DNM3: variants seen among roughly 807,000 people sequenced by gnomAD.
The protein encoded by DNM3 is dynamin 3.
Under a neutral mutation model 101.6 loss-of-function variants are expected in DNM3, and 47 were observed. That is an observed-to-expected ratio of 0.46 (90% CI 0.37 to 0.59). The LOEUF (loss-of-function observed/expected upper bound fraction) is 0.59, where lower values mean the gene tolerates loss of function less well. Ranked by LOEUF, DNM3 falls within the 20% of genes least tolerant of loss-of-function variation. DNM3 has a pLI of 0.00. For missense variants in DNM3, 849 were observed against 1,085.7 expected (o/e 0.78, Z 3.06); for synonymous variants, 385 against 387.9 (o/e 0.99, Z 0.09).
Position 172,177,933 on chromosome 1 carries a change from C to G in DNM3, c.1659+46645C>G, listed in dbSNP as rs558150833. ...GAATATACAGTCATACATTGCTTAA[C>G]GATATAATTATATTCTAAAAGTTGT... On this transcript the variant is annotated intron_variant, in intron 14 of 20. Transcript: ENST00000627582. Among the ~76,000 whole-genome samples, 3 of 151,888 alleles carry G rather than the reference C, an allele frequency of 2.0e-5. 1 individual carries two copies. In the South Asian group the frequency reaches 6.2e-4, roughly 32 times the overall value.
intron 16 of DNM3, among the ~76,000 whole-genome samples, chr1:172,311,558 C>T (rs1024888710): frequency 5.3e-5 from 8 of 152,040 alleles, no homozygotes; most frequent in African/African-American, 1.2e-4. Context: ...TTCGTCCCAC[C>T]GCACTCCAGC....
chr1:172,408,097 C>A lies in DNM3; in HGVS notation c.*256C>A. The A allele has an allele frequency of 7.9e-7, 1 of 1,259,998 alleles. No individual in the cohort carries two copies. Among genetic ancestry groups the A allele is most frequent in the Non-Finnish European group, 1.0e-6 (1 of 997,558 alleles). 78.1% of individuals were successfully genotyped at this position (1,259,998 alleles called of 1,614,324 possible). On this transcript the variant is annotated 3_prime_UTR_variant, in exon 21 of 21. Transcript: ENST00000627582. The stretch of plus-strand genomic sequence containing the variant: ...GGTAGGTTTGTATAGCAGCCCTATA[C>A]TTTGGGGATCATTTGCCTACCATGG...
chr1:172,095,277 G>A (rs1180591253), intron 13 of DNM3, among the ~76,000 whole-genome samples: 1 of 152,098 alleles, frequency 6.6e-6, no homozygotes, highest in Non-Finnish European at 1.5e-5. Flanking sequence ...TGAAACAAAG[G>A]AATAGTTACA....
intron 4 of DNM3, among the ~76,000 whole-genome samples, chr1:172,028,820 A>C (rs892965626): frequency 6.6e-6 from 1 of 152,206 alleles, no homozygotes; most frequent in Admixed American, 6.5e-5. Flanking sequence ...AGAAATGGAA[A>C]AATTATTAGA....
At chr1:171,956,455 C>T (rs577737765) in intron 2 of DNM3, among the ~76,000 whole-genome samples, 3 of 152,326 alleles carry the variant, frequency 2.0e-5, no homozygotes, top group African/African-American at 7.2e-5. Context: ...CCAGGTCACA[C>T]TGATACAAGT....
In DNM3 at chr1:172,167,027, G is replaced by A. The variant is rs192769148; in HGVS notation, c.1659+35739G>A. Among the ~76,000 whole-genome samples the A allele has an allele frequency of 1.2e-3, 182 of 151,530 alleles. 1 individual carries two copies. Among genetic ancestry groups the A allele is most frequent in the Admixed American group, 0.011 (165 of 15,182 alleles). On this transcript the variant is annotated intron_variant, in intron 14 of 20. Coordinates refer to ENST00000627582, the MANE Select transcript of DNM3 (RefSeq NM_015569.5). The stretch of plus-strand genomic sequence containing the variant: ...GTTGGTGTGCTGCACCCATTAACTC[G>A]TCATTTACATTAGGTATATCTCCTA...
chr1:172,209,642 C>T (rs576993467), intron 14 of DNM3, among the ~76,000 whole-genome samples: 234 of 152,074 alleles, frequency 1.5e-3, no homozygotes, highest in African/African-American at 5.1e-3. Flanking sequence ...CTGTGTCTGA[C>T]GGTGCTCCTA....
intron 10 of DNM3, among the ~76,000 whole-genome samples, chr1:172,050,235 C>G (rs1373875447): frequency 6.6e-6 from 1 of 152,158 alleles, no homozygotes; most frequent in East Asian, 1.9e-4. Context: ...ATTTAAAGCT[C>G]TCTTAATTGA....
intron 10 of DNM3, among the ~76,000 whole-genome samples, chr1:172,060,132 C>T (rs1005708299): frequency 6.8e-6 from 1 of 147,124 alleles, no homozygotes; most frequent in Admixed American, 6.8e-5. Flanking sequence ...AGGAATCCAA[C>T]TTACAAGGGA....
intron 8 of DNM3, among the ~76,000 whole-genome samples, chr1:172,043,427 T>TA (rs2049537704): frequency 1.3e-5 from 2 of 152,192 alleles, no homozygotes; most frequent in Non-Finnish European, 2.9e-5. Flanking sequence ...TGAGTGCTTA[T>TA]GTCTTCGTGT....
chr1:172,152,621 C>A (rs1373603135), intron 14 of DNM3, among the ~76,000 whole-genome samples: 2 of 151,980 alleles, frequency 1.3e-5, no homozygotes, highest in Non-Finnish European at 2.9e-5. Flanking sequence ...TAGATGAATG[C>A]CACTTCTGTT....
intron 14 of DNM3, among the ~76,000 whole-genome samples, chr1:172,134,678 C>T (rs995044317): frequency 3.9e-4 from 59 of 152,070 alleles, no homozygotes; most frequent in African/African-American, 1.4e-3. Context: ...ATAAAGCAAA[C>T]ATACAAATAA....
At chr1:172,182,685 G>T (rs1325669953) in intron 14 of DNM3, among the ~76,000 whole-genome samples, 1 of 152,106 alleles carries the variant, frequency 6.6e-6, no homozygotes, top group African/African-American at 2.4e-5. Context: ...ATTGTCCTCA[G>T]AGACTGCCTG....
At chr1:172,305,298 T>C (rs952580038) in intron 15 of DNM3, among the ~76,000 whole-genome samples, 2 of 152,048 alleles carry the variant, frequency 1.3e-5, no homozygotes, top group Admixed American at 1.3e-4. Context: ...ATGGATAAAT[T>C]CCTGGACACA....
chr1:172,090,052 A>G (rs1417591798), intron 12 of DNM3, among the ~76,000 whole-genome samples: 1 of 152,142 alleles, frequency 6.6e-6, no homozygotes, highest in Non-Finnish European at 1.5e-5. Flanking sequence ...CTTTACATTC[A>G]ACTTCTTTTC....
chr1:171,880,036 G>A (rs1252070414), intron 1 of DNM3, among the ~76,000 whole-genome samples: 4 of 152,176 alleles, frequency 2.6e-5, no homozygotes, highest in Non-Finnish European at 4.4e-5. Flanking sequence ...TAGTTACAAG[G>A]GAGTCTGGGA....
chr1:172,291,264 A>G (rs72721183), intron 15 of DNM3, among the ~76,000 whole-genome samples: 1 of 102,710 alleles, frequency 9.7e-6, no homozygotes. Flanking sequence ...GTGCACACGC[A>G]TACATGTGCG....
chr1:171,889,217 A>G (rs2037045196), intron 1 of DNM3, among the ~76,000 whole-genome samples: 1 of 152,120 alleles, frequency 6.6e-6, no homozygotes, highest in Non-Finnish European at 1.5e-5. Flanking sequence ...AGGCTCAAGC[A>G]ATCCTCCCAC....
At chr1:172,366,883 A>G (rs2068047004) in intron 17 of DNM3, among the ~76,000 whole-genome samples, 1 of 151,888 alleles carries the variant, frequency 6.6e-6, no homozygotes, top group Non-Finnish European at 1.5e-5. Flanking sequence ...TTGGGACACC[A>G]CTGAGCAAAT....
Sources: gnomAD v4.1 joint callset for allele counts (sites outside exome capture counted in the v4.1 genomes callset) on GRCh38, gnomAD v4.1.1 for gene constraint, MANE v1.5 for transcripts, NCBI Gene and HGNC (gene_info 2026-07-23, HGNC 2026-07-21) for gene names.